Variants in COQ7 observed in about 807,000 individuals in gnomAD.
The protein encoded by COQ7 is coenzyme Q7, hydroxylase, also known as NADPH-dependent 3-demethoxyubiquinone 3-hydroxylase, mitochondrial.
Under a neutral mutation model 25.0 loss-of-function variants are expected in COQ7, and 21 were observed. The observed-to-expected ratio is 0.84, with a 90% CI of 0.60 to 1.21. The LOEUF (loss-of-function observed/expected upper bound fraction) is 1.21, where lower values mean the gene tolerates loss of function less well. COQ7 is among the 50% of genes most tolerant of loss of function. The pLI is 0.00. For synonymous variants in COQ7, 125 were observed against 112.4 expected, an observed-to-expected ratio of 1.11 and a Z score of -0.71; for missense variants, 311 against 296.2, an observed-to-expected ratio of 1.05 and a Z score of -0.37.
intron 2 of COQ7, among the ~76,000 whole-genome samples, chr16:19,073,376 C>T (rs905855551): frequency 1.3e-5 from 2 of 151,926 alleles, no homozygotes; most frequent in African/African-American, 4.8e-5. Context: ...GACTGTAATC[C>T]CAGCTAATTT....
At chr16:19,067,826 G>A (rs1962306792) in intron 1 of COQ7, 89 bp downstream of exon 1, 1 of 1,535,656 alleles carries the variant, frequency 6.5e-7, no homozygotes, top group Non-Finnish European at 8.6e-7. Flanking sequence ...GGTCACGGGG[G>A]AGAGGTTCGT....
At chr16:19,067,884 G>A (rs1962311298) in intron 1 of COQ7, 147 bp downstream of exon 1, 2 of 1,495,996 alleles carry the variant, frequency 1.3e-6, no homozygotes, top group African/African-American at 1.4e-5. Flanking sequence ...TTCGGCCTCC[G>A]GGGCGCTGGC....
intron 3 of COQ7, among the ~76,000 whole-genome samples, chr16:19,074,980 C>T (rs576390711): frequency 9.9e-5 from 15 of 152,226 alleles, no homozygotes; most frequent in African/African-American, 2.6e-4. Context: ...TTTTAAAAAA[C>T]GGAGAAGAAT....
intron 1 of COQ7, 186 bp downstream of exon 1, chr16:19,067,923 G>T (rs1309157128): frequency 5.4e-6 from 8 of 1,471,782 alleles, no homozygotes; most frequent in Non-Finnish European, 7.1e-6. Flanking sequence ...AGTTAGCGGC[G>T]AGAGTGACAG....
Position 19,074,020 on chromosome 16 carries a change from C to T in COQ7, c.352C>T (p.Leu118=). ...PTVLMPLWNV[L]GFALGAGTAL... ...AGTTCTGATGCCCTTGTGGAACGTG[C>T]TGGGGTTTGCACTGGGTACGTGTCT... Residue 118 remains leucine, a synonymous_variant, in exon 3 of 6, where the codon CTG becomes TTG. Transcript: ENST00000321998. The T allele has an allele frequency of 1.2e-6, 2 of 1,612,894 alleles. No individual in the cohort carries two copies. The highest frequency in any genetic ancestry group is 1.7e-6 in the Non-Finnish European group (2 of 1,179,572).
Position 19,071,992 on chromosome 16 carries a change from G to A in COQ7, c.138G>A (p.Arg46=). Residue 46 remains arginine, a synonymous_variant, in exon 2 of 6, where the codon CGG becomes CGA. Coordinates refer to ENST00000321998, the MANE Select transcript of COQ7 (RefSeq NM_016138.5). ...GAATGACTTTAGACAATATCAGTCG[G>A]GCAGCTGTGGATCGAATAATCCGGG... is the stretch of plus-strand genomic sequence containing the variant. The part of the protein sequence containing the change: ...SSGMTLDNIS[R]AAVDRIIRVD... 1.2e-6 allele frequency: 2 copies of A among 1,614,234 alleles called. No homozygotes were observed. The highest frequency in any genetic ancestry group is 1.7e-6 in the Non-Finnish European group (2 of 1,180,046).
rs1383551592 is a variant in COQ7 at position 19,077,602 on chromosome 16, T to TTTTTTTTTTTTTTTTTTTTTC, written c.576+230_576+231insTTTTTTTTTTTTTTTTTTCTT. Among the ~76,000 whole-genome samples the TTTTTTTTTTTTTTTTTTTTTC allele has an allele frequency of 1.1e-4, 15 of 140,352 alleles. 1 individual carries two copies. Among genetic ancestry groups the TTTTTTTTTTTTTTTTTTTTTC allele is most frequent in the Non-Finnish European group, 1.4e-4 (9 of 63,884 alleles). 92.1% of individuals were successfully genotyped at this position (140,352 alleles called of 152,430 possible). On this transcript the variant is annotated intron_variant, in intron 5 of 5. Coordinates refer to ENST00000321998, the MANE Select transcript of COQ7 (RefSeq NM_016138.5). ...TTTTCCCCAGAAGCTTTTTTTTTTTTTTCCCAGACACAGTCTCACTCTGTC... is the reference window on the plus strand; with the variant it reads ...TTTTCCCCAGAAGCTTTTTTTTTTTTTTTTTTTTTTTTTTTTTTTTCTTCCCAGACACAGTCTCACTCTGTC...
chr16:19,074,217 T>A (rs1178399926), intron 3 of COQ7, 182 bp downstream of exon 3: 7 of 509,952 alleles, frequency 1.4e-5, no homozygotes, highest in Admixed American at 7.2e-5. Context: ...TAAGATAGAA[T>A]CTTAATGTCA....
chr16:19,082,212 A>G (rs1321018112), downstream of COQ7, among the ~76,000 whole-genome samples: 2 of 152,244 alleles, frequency 1.3e-5, no homozygotes, highest in Admixed American at 1.3e-4. Flanking sequence ...ATGAACCTTA[A>G]AAATATTATG....
chr16:19,068,879 G>A (rs1596817873), intron 1 of COQ7: 1 of 422,390 alleles, frequency 2.4e-6, no homozygotes, highest in Admixed American at 2.8e-5. Flanking sequence ...CCACAAATGG[G>A]TGAGTAATCA....
chr16:19,073,304 G>A (rs1419821521), intron 2 of COQ7, among the ~76,000 whole-genome samples: 9 of 33,048 alleles, frequency 2.7e-4, no homozygotes, highest in Middle Eastern at 0.014. Flanking sequence ...GTGAGACTCC[G>A]TCTCAAAAAA....
chr16:19,068,024 C>G, intron 1 of COQ7: 7 of 1,301,500 alleles, frequency 5.4e-6, no homozygotes, highest in Non-Finnish European at 5.8e-6. Flanking sequence ...GCCAGCGTTC[C>G]GAGTCGAGGA....
At chr16:19,069,765 T>G (rs1962458161) in intron 1 of COQ7, among the ~76,000 whole-genome samples, 1 of 151,708 alleles carries the variant, frequency 6.6e-6, no homozygotes, top group South Asian at 2.1e-4. Context: ...GTGTTAGAGA[T>G]GGGACACATG....
Position 19,078,203 on chromosome 16 carries a change from C to T in COQ7, c.*45C>T. ...GTCTATAAAAGATGATAGTAATTTA[C>T]CAAGTGACATTTGCAGAGAAACAGG... is the stretch of plus-strand genomic sequence containing the variant. On this transcript the variant is annotated 3_prime_UTR_variant, in exon 6 of 6. Coordinates refer to ENST00000321998, the MANE Select transcript of COQ7 (RefSeq NM_016138.5). 1.4e-6 allele frequency: 2 copies of T among 1,468,640 alleles called. No individual in the cohort carries two copies. The highest frequency in any genetic ancestry group is 1.9e-6 in the Non-Finnish European group (2 of 1,060,728). 91.0% of individuals were successfully genotyped at this position (1,468,640 alleles called of 1,614,324 possible). A position where few individuals can be genotyped will look rare whatever the true frequency, so the allele number is the denominator to read the frequency against.
Position 19,073,784 on chromosome 16 carries a change from T to C in COQ7, c.253-137T>C, listed in dbSNP as rs180696128. 2,634 of 621,300 alleles carry C rather than the reference T, an allele frequency of 4.2e-3. 11 individuals carry two copies. Among genetic ancestry groups the C allele is most frequent in the Middle Eastern group, 7.6e-3 (18 of 2,374 alleles). 38.5% of individuals were successfully genotyped at this position (621,300 alleles called of 1,614,324 possible). On this transcript the variant is annotated intron_variant, in intron 2 of 5. Transcript: ENST00000321998. ...TTAGTCTGATGTTTTACTGTTTCCA[T>C]TGACGTTTTGAGGGGAATGGGGGAG...
At chr16:19,071,432 G>A (rs1256592234) in intron 1 of COQ7, among the ~76,000 whole-genome samples, 1 of 152,244 alleles carries the variant, frequency 6.6e-6, no homozygotes, top group African/African-American at 2.4e-5. Context: ...CACCGCGCCC[G>A]GACAGGTGTG....
intron 4 of COQ7, among the ~76,000 whole-genome samples, chr16:19,076,254 A>ATTTTT (rs765074767): frequency 3.9e-4 from 47 of 120,714 alleles, no homozygotes; most frequent in African/African-American, 6.2e-4. Context: ...CTCACAGCTA[A>ATTTTT]TTTTTTTTTT....
At chr16:19,077,929 C>A in intron 5 of COQ7, 152 bp from the exon 6 acceptor site, 1 of 552,624 alleles carries the variant, frequency 1.8e-6, no homozygotes, top group Non-Finnish European at 3.1e-6. Flanking sequence ...GCATTCCGAC[C>A]TTTTGAATAG....
Position 19,077,310 on chromosome 16 carries a change from TAAAG to T in COQ7, c.516_519del (p.Lys172AsnfsTer12), listed in dbSNP as rs749457015. 14 of 1,613,898 alleles carry T rather than the reference TAAAG, an allele frequency of 8.7e-6. No individual in the cohort carries two copies. The highest frequency in any genetic ancestry group is 5.3e-5 in the African/African-American group (4 of 74,904). On this transcript the variant is annotated frameshift_variant, in exon 5 of 6. Transcript: ENST00000321998. LOFTEE classifies it high-confidence loss of function. ...GGTGTCTTTTTATTTAACCAGCTGA[TAAAG>T]AAATTTCGGGATGAAGAGCTTGAGC...
Sources: allele counts gnomAD v4.1 joint callset (sites outside exome capture counted in the v4.1 genomes callset), GRCh38; gene constraint gnomAD v4.1.1; transcripts MANE v1.5; gene names NCBI Gene and HGNC (gene_info 2026-07-23, HGNC 2026-07-21).